RAD9A: variants seen among roughly 807,000 people sequenced by gnomAD.
RAD9A encodes the protein cell cycle checkpoint control protein RAD9A.
A neutral mutation model predicts 41.2 loss-of-function variants in RAD9A; 25 were observed. The ratio of observed to expected loss-of-function variants is 0.61; its 90% CI spans 0.44 to 0.85. The LOEUF (loss-of-function observed/expected upper bound fraction) is 0.85, where lower values mean the gene tolerates loss of function less well. Ranked by LOEUF, RAD9A falls within the 40% of genes least tolerant of loss-of-function variation. The pLI is 0.00. For synonymous variants in RAD9A, 252 were observed against 210.6 expected (o/e 1.20, Z -1.70); for missense variants, 514 against 518.3 (o/e 0.99, Z 0.08).
intron 3 of RAD9A, chr11:67,393,150 C>T (rs1248341352): frequency 4.3e-6 from 2 of 466,578 alleles, no homozygotes; most frequent in South Asian, 3.3e-5. Context: ...CGTGGTGGCA[C>T]GCGCCTGTAA....
intron 5 of RAD9A, among the ~76,000 whole-genome samples, chr11:67,394,643 G>C (rs1443191062): frequency 1.4e-5 from 2 of 147,918 alleles, no homozygotes; most frequent in Non-Finnish European, 3.0e-5. Context: ...TTTTTTTTGA[G>C]ACAGAGTTTC....
rs528777135 is a variant in RAD9A, at chr11:67,397,774, C to G, written c.*215C>G. On this transcript the variant is annotated 3_prime_UTR_variant, in exon 11 of 11. Transcript: ENST00000307980. ...TATCTCCCCACAACCCCCAGCCAAT[C>G]AGGACTTTCCAGACTTGGCCCTGAA... 1 of 569,122 alleles carries G rather than the reference C, an allele frequency of 1.8e-6. No individual in the cohort carries two copies. The highest frequency in any genetic ancestry group is 3.1e-6 in the Non-Finnish European group (1 of 321,022). The allele number at this position is 569,122 out of a possible 1,614,324, so 35.3% of individuals were successfully genotyped here. A position where few individuals can be genotyped will look rare whatever the true frequency, so the allele number is the denominator to read the frequency against.
In RAD9A at chr11:67,393,492, G is replaced by A; in HGVS notation, c.235-4G>A. 6.2e-7 allele frequency: 1 copy of A among 1,614,076 alleles called. No homozygotes were observed. ...GCTAGGCTGAGGTGTCTTATCCCAT[G>A]CAGTCTTTCCTGTCTGTCTTCCGCT... On this transcript the variant is annotated splice_region_variant and splice_polypyrimidine_tract_variant and intron_variant, in intron 3 of 10. Coordinates refer to ENST00000307980, the MANE Select transcript of RAD9A (RefSeq NM_004584.3).
intron 2 of RAD9A, 41 bp downstream of exon 2, chr11:67,392,272 G>A (rs1339332453): frequency 6.1e-6 from 9 of 1,474,718 alleles, no homozygotes; most frequent in Non-Finnish European, 8.3e-6. Flanking sequence ...GACTCCAGCC[G>A]GGAGCGGGTA....
chr11:67,392,156 C>G lies in RAD9A; in HGVS notation c.35-5C>G. 1 of 1,611,760 alleles carries G rather than the reference C, an allele frequency of 6.2e-7. No individual in the cohort carries two copies. Among genetic ancestry groups the G allele is most frequent in the South Asian group, 1.1e-5 (1 of 90,992 alleles). Reference sequence around the variant, plus strand: ...CCTAACCCCCTTCCGCTCTTCTCCCCGCAGTGCTCGGCAAGGCCGTCCACT... The same window carrying G: ...CCTAACCCCCTTCCGCTCTTCTCCCGGCAGTGCTCGGCAAGGCCGTCCACT... On this transcript the variant is annotated splice_region_variant and splice_polypyrimidine_tract_variant and intron_variant, in intron 1 of 10. Coordinates refer to ENST00000307980, the MANE Select transcript of RAD9A (RefSeq NM_004584.3).
chr11:67,394,000 G>A (rs1862611883), intron 5 of RAD9A, among the ~76,000 whole-genome samples: 1 of 152,186 alleles, frequency 6.6e-6, no homozygotes, highest in South Asian at 2.1e-4. Flanking sequence ...GCGCCTCCTT[G>A]CTCCATTCTC....
At position 67,397,348 on chromosome 11, in the gene RAD9A, G is replaced by A; in HGVS notation, c.1042G>A (p.Glu348Lys). The change falls in exon 10 of 11, where the codon GAG becomes AAG. Residue 348 changes from glutamate (E) to lysine (K), a missense_variant. Physicochemically the swap from Glu to Lys is moderately conservative, Grantham distance 56. Transcript: ENST00000307980. Reference sequence around the variant, plus strand: ...CCACTCCGAGGAGGAAGATGAGGCTGAGCCCAGTACAGTGCCTGGGACTCC... The same window carrying A: ...CCACTCCGAGGAGGAAGATGAGGCTAAGCCCAGTACAGTGCCTGGGACTCC... ...GPHSEEEDEA[E>K]PSTVPGTPPP... 1 of 1,600,014 alleles carries A rather than the reference G, an allele frequency of 6.2e-7. No homozygotes were observed. Among genetic ancestry groups the A allele is most frequent in the Non-Finnish European group, 8.5e-7 (1 of 1,173,054 alleles).
At chr11:67,392,896 C>T (rs1282406525) in intron 3 of RAD9A, 114 bp downstream of exon 3, 1 of 1,377,574 alleles carries the variant, frequency 7.3e-7, no homozygotes, top group Non-Finnish European at 1.0e-6. Context: ...ACGTGCAAGC[C>T]CAATCCATGC....
rs529157459 is a variant in RAD9A, at chr11:67,392,295, G to C, written c.105+64G>C. ...CCGGGAGCGGGTAACCCGGACTAGA[G>C]TCTCGCCCCCACTAGGCGGGATGAC... On this transcript the variant is annotated intron_variant, in intron 2 of 10. Coordinates refer to ENST00000307980, the MANE Select transcript of RAD9A (RefSeq NM_004584.3). 5.8e-6 allele frequency: 8 copies of C among 1,370,348 alleles called. No individual in the cohort carries two copies. In the African/African-American group the frequency reaches 1.2e-4, roughly 20 times the overall value. The allele number at this position is 1,370,348 out of a possible 1,614,324, so 84.9% of individuals were successfully genotyped here. A position where few individuals can be genotyped will look rare whatever the true frequency, so the allele number is the denominator to read the frequency against.
At chr11:67,393,642 C>T in intron 4 of RAD9A, 32 bp downstream of exon 4, 1 of 1,613,512 alleles carries the variant, frequency 6.2e-7, no homozygotes, top group Non-Finnish European at 8.5e-7. Context: ...CAAGGGGTGC[C>T]TCAGCAGGGA....
Position 67,392,249 on chromosome 11 carries a change from G to A in RAD9A, c.105+18G>A, listed in dbSNP as rs774501120. ...AGGACGGGGTGAGGGGCTAGGGTGT[G>A]GGGGGCGGGTGGGACTCCAGCCGGG... On this transcript the variant is annotated intron_variant, in intron 2 of 10. Transcript: ENST00000307980. 1 of 1,523,286 alleles carries A rather than the reference G, an allele frequency of 6.6e-7. No individual in the cohort carries two copies. The allele number at this position is 1,523,286 out of a possible 1,614,324, so 94.4% of individuals were successfully genotyped here.
chr11:67,394,369 G>A (rs893311853), intron 5 of RAD9A, among the ~76,000 whole-genome samples: 2 of 152,220 alleles, frequency 1.3e-5, no homozygotes, highest in African/African-American at 4.8e-5. Flanking sequence ...TGGGGCCAGG[G>A]AAATGGGGAC....
rs765754655 is a variant in RAD9A at position 67,397,151 on chromosome 11, C to T, written c.873-28C>T. The T allele has an allele frequency of 1.4e-5, 22 of 1,572,320 alleles. No homozygotes were observed. The African/African-American group carries it at 3.0e-4, about 21-fold the overall frequency. On this transcript the variant is annotated intron_variant, in intron 9 of 10. Coordinates refer to ENST00000307980, the MANE Select transcript of RAD9A (RefSeq NM_004584.3). ...GCCCTGCCTCTGCTCCCCCAGTCCCCTCCCTGATACTCCGATTCTGCCTAC... is the reference window on the plus strand; with the variant it reads ...GCCCTGCCTCTGCTCCCCCAGTCCCTTCCCTGATACTCCGATTCTGCCTAC...
At chr11:67,393,643 T>C (rs746693554) in intron 4 of RAD9A, 33 bp downstream of exon 4, 1 of 1,613,328 alleles carries the variant, frequency 6.2e-7, no homozygotes, top group Non-Finnish European at 8.5e-7. Context: ...AAGGGGTGCC[T>C]CAGCAGGGAG....
At chr11:67,392,262 G>T in intron 2 of RAD9A, 31 bp downstream of exon 2, 23 of 600,712 alleles carry the variant, frequency 3.8e-5, no homozygotes, top group Non-Finnish European at 4.9e-5. Context: ...GGGCGGGTGG[G>T]ACTCCAGCCG....
Position 67,397,597 on chromosome 11 carries a change from T to G in RAD9A, c.*38T>G. 6.6e-7 allele frequency: 1 copy of G among 1,519,616 alleles called. No individual in the cohort carries two copies. The highest frequency in any genetic ancestry group is 9.0e-7 in the Non-Finnish European group (1 of 1,105,620). The allele number at this position is 1,519,616 out of a possible 1,614,324, so 94.1% of individuals were successfully genotyped here. ...AAGCCTGTACCCAGAGGCCTTGGAC[T>G]AGACGAAGCCCCAGCCAGTGGCAGA... On this transcript the variant is annotated 3_prime_UTR_variant, in exon 11 of 11. Coordinates refer to ENST00000307980, the MANE Select transcript of RAD9A (RefSeq NM_004584.3).
At chr11:67,397,031 A>ATCCTC in intron 9 of RAD9A, 148 bp from the exon 10 acceptor site, 1 of 621,004 alleles carries the variant, frequency 1.6e-6, no homozygotes, top group South Asian at 1.9e-5. Context: ...TAACCCCTGC[A>ATCCTC]TCCTCTCCTC....
intron 3 of RAD9A, 96 bp downstream of exon 3, chr11:67,392,878 A>G: frequency 6.7e-7 from 1 of 1,486,466 alleles, no homozygotes; most frequent in Non-Finnish European, 9.2e-7. Flanking sequence ...CTAAGTGGGG[A>G]GAGAGACACG....
In RAD9A at chr11:67,398,397, AG is replaced by A; in HGVS notation, c.*839del. On this transcript the variant is annotated 3_prime_UTR_variant, in exon 11 of 11. Coordinates refer to ENST00000307980, the MANE Select transcript of RAD9A (RefSeq NM_004584.3). ...ACGCTGCTATTGATTCATTAAAAAAAGAAAAGAAAAATACACCAAGGCTCCA... is the reference window on the plus strand; with the variant it reads ...ACGCTGCTATTGATTCATTAAAAAAAAAAAGAAAAATACACCAAGGCTCCA... 8.0e-6 allele frequency: 7 copies of A among 876,244 alleles called. No individual in the cohort carries two copies. Among genetic ancestry groups the A allele is most frequent in the South Asian group, 1.8e-5 (1 of 56,690 alleles). The allele number at this position is 876,244 out of a possible 1,614,324, so 54.3% of individuals were successfully genotyped here.
Sources: gnomAD v4.1 joint callset for allele counts (sites outside exome capture counted in the v4.1 genomes callset) on GRCh38, gnomAD v4.1.1 for gene constraint, MANE v1.5 for transcripts, NCBI Gene and HGNC (gene_info 2026-07-23, HGNC 2026-07-21) for gene names.